Variants in RAD51B observed in about 807,000 individuals in gnomAD.
The protein encoded by RAD51B is DNA repair protein RAD51 homolog 2.
A neutral mutation model predicts 42.2 loss-of-function variants in RAD51B; 38 were observed. That is an observed-to-expected ratio of 0.90 (90% confidence interval 0.70 to 1.18). The LOEUF (loss-of-function observed/expected upper bound fraction) is 1.18. Ranked by LOEUF, RAD51B falls within the 50% of genes most tolerant of loss-of-function variation. The probability of loss-of-function intolerance (pLI) is 0.00; values close to 1 mark genes in which losing one functional copy is unlikely to be tolerated. For missense variants in RAD51B, 373 were observed against 400.7 expected (o/e 0.93, Z 0.59); for synonymous variants, 154 against 145.2 (o/e 1.06, Z -0.43).
chr14:68,012,712 G>C (rs971559276), intron 7 of RAD51B, among the ~76,000 whole-genome samples: 1 of 152,004 alleles, frequency 6.6e-6, no homozygotes, highest in Non-Finnish European at 1.5e-5. Context: ...AGGGTTATTG[G>C]GAGCATTAAA....
intron 7 of RAD51B, among the ~76,000 whole-genome samples, chr14:67,940,062 T>A (rs1313271097): frequency 0.014 from 401 of 28,262 alleles, no homozygotes; most frequent in Middle Eastern, 0.024. Context: ...ATATTTTTTT[T>A]TTTTTTTTTT....
intron 7 of RAD51B, among the ~76,000 whole-genome samples, chr14:67,995,386 A>AAAC (rs201556258): frequency 0.011 from 1,555 of 146,760 alleles, 22 homozygotes; most frequent in African/African-American, 0.028. Context: ...TCCATCTCAA[A>AAAC]AACAACAACA....
chr14:68,283,997 C>G (rs934243827), intron 7 of RAD51B, among the ~76,000 whole-genome samples: 1 of 152,202 alleles, frequency 6.6e-6, no homozygotes, highest in Non-Finnish European at 1.5e-5. Context: ...TGTGATTGAG[C>G]GAGTGTGTGC....
chr14:67,825,072 T>C (rs2040771956), intron 2 of RAD51B, among the ~76,000 whole-genome samples: 2 of 110,824 alleles, frequency 1.8e-5, no homozygotes, highest in Non-Finnish European at 3.5e-5. Context: ...AGCAAAACTC[T>C]TGTCTCAAAA....
At chr14:68,293,033 C>A (rs1328602326) in intron 8 of RAD51B, among the ~76,000 whole-genome samples, 1 of 152,154 alleles carries the variant, frequency 6.6e-6, no homozygotes, top group Non-Finnish European at 1.5e-5. Context: ...TTTGTCCCCT[C>A]TTTTTTGTAA....
chr14:68,531,159 C>CAA (rs1045737924), intron 10 of RAD51B, among the ~76,000 whole-genome samples: 2 of 87,100 alleles, frequency 2.3e-5, no homozygotes, highest in East Asian at 3.0e-4. Flanking sequence ...ACAGGAAAGA[C>CAA]AAAAAAAAAA....
downstream of RAD51B, among the ~76,000 whole-genome samples, chr14:68,480,364 C>T (rs889194416): frequency 4.6e-5 from 7 of 152,138 alleles, no homozygotes; most frequent in East Asian, 1.9e-4. Flanking sequence ...GGTGTGAGCC[C>T]GGCCTTCTCT....
Position 67,909,830 on chromosome 14 carries a change from G to GT in RAD51B, c.756+22634dup, listed in dbSNP as rs201319109. 9.1e-3 allele frequency among the ~76,000 whole-genome samples: 1,385 copies of GT among 151,940 alleles called. 18 individuals are homozygous for GT. The highest frequency in any genetic ancestry group is 0.031 in the African/African-American group (1,280 of 41,456). On this transcript the variant is annotated intron_variant, in intron 7 of 10. Coordinates refer to ENST00000471583, the MANE Select transcript of RAD51B (RefSeq NM_133510.4). ...ACACCTGGCTAACTTTTTTAAAAAAGTTTTTTTTAAAGATGCGGTCTCACC... is the reference window on the plus strand; with the variant it reads ...ACACCTGGCTAACTTTTTTAAAAAAGTTTTTTTTTAAAGATGCGGTCTCACC...
intron 8 of RAD51B, among the ~76,000 whole-genome samples, chr14:68,370,703 A>G (rs940537939): frequency 9.2e-5 from 14 of 152,194 alleles, no homozygotes; most frequent in South Asian, 2.1e-4. Flanking sequence ...ATATGAAGAC[A>G]TTCCTTACAA....
At chr14:68,120,493 G>T (rs180977365) in intron 7 of RAD51B, among the ~76,000 whole-genome samples, 5 of 152,292 alleles carry the variant, frequency 3.3e-5, no homozygotes, top group African/African-American at 1.2e-4. Context: ...TGCCTGGAAA[G>T]GTGCCTAACA....
intron 7 of RAD51B, among the ~76,000 whole-genome samples, chr14:68,133,075 G>C (rs775138673): frequency 2.0e-5 from 3 of 152,094 alleles, no homozygotes; most frequent in Non-Finnish European, 2.9e-5. Flanking sequence ...AAAAGAATGT[G>C]GGGGGCAGGC....
chr14:67,823,091 A>G (rs1320127417), intron 1 of RAD51B, among the ~76,000 whole-genome samples: 1 of 152,252 alleles, frequency 6.6e-6, no homozygotes, highest in Non-Finnish European at 1.5e-5. Flanking sequence ...TAGGTGCTCC[A>G]TAAATATACC....
chr14:68,300,487 G>C (rs2081706054), intron 8 of RAD51B, among the ~76,000 whole-genome samples: 1 of 152,128 alleles, frequency 6.6e-6, no homozygotes, highest in South Asian at 2.1e-4. Context: ...TGGGATTACA[G>C]GTGTAAGCCA....
At chr14:68,447,270 A>C (rs2085442532) in intron 9 of RAD51B, among the ~76,000 whole-genome samples, 1 of 152,198 alleles carries the variant, frequency 6.6e-6, no homozygotes. Context: ...GTTACATACA[A>C]ATGTGGGCCA....
chr14:68,330,523 G>A (rs1485810162), intron 8 of RAD51B, among the ~76,000 whole-genome samples: 1 of 152,150 alleles, frequency 6.6e-6, no homozygotes, highest in Non-Finnish European at 1.5e-5. Context: ...GATTGAGGAT[G>A]TACTTATCAA....
intron 7 of RAD51B, among the ~76,000 whole-genome samples, chr14:68,230,902 TA>T (rs2080136023): frequency 1.3e-5 from 2 of 152,198 alleles, no homozygotes; most frequent in African/African-American, 4.8e-5. Flanking sequence ...CTATCATCAT[TA>T]TCACACATGG....
intron 10 of RAD51B, among the ~76,000 whole-genome samples, chr14:68,578,931 A>G (rs1890090285): frequency 6.6e-6 from 1 of 152,180 alleles, no homozygotes; most frequent in African/African-American, 2.4e-5. Context: ...CTTCTAGCTC[A>G]CTGTGTGGAC....
In RAD51B at chr14:68,235,764, A is replaced by G. The variant is rs148460663; in HGVS notation, c.757-56120A>G. On this transcript the variant is annotated intron_variant, in intron 7 of 10. Transcript: ENST00000471583. ...AGATCTTACCTGCGTGCATGTGTTC[A>G]TTGTAGCACTATTCACAATAGCAAA... Among the ~76,000 whole-genome samples the G allele has an allele frequency of 2.5e-4, 37 of 150,858 alleles. 1 individual carries two copies. In the East Asian group the frequency reaches 7.0e-3, roughly 29 times the overall value.
intron 10 of RAD51B, among the ~76,000 whole-genome samples, chr14:68,603,558 C>A (rs1891312108): frequency 1.3e-5 from 2 of 151,962 alleles, no homozygotes; most frequent in Non-Finnish European, 1.5e-5. Flanking sequence ...TTTGGGGTCC[C>A]CATCATGCCT....
Sources: allele counts gnomAD v4.1 joint callset (sites outside exome capture counted in the v4.1 genomes callset), GRCh38; gene constraint gnomAD v4.1.1; transcripts MANE v1.5; gene names NCBI Gene and HGNC (gene_info 2026-07-23, HGNC 2026-07-21).